Variants in ZNF320 observed in about 807,000 individuals in gnomAD.
The protein encoded by ZNF320 is zinc finger gene 320.
A neutral mutation model predicts 6.8 loss-of-function variants in ZNF320; 2 were observed. That is an observed-to-expected ratio of 0.29 (90% CI 0.12 to 0.93). The LOEUF (loss-of-function observed/expected upper bound fraction) is 0.93. ZNF320 is among the 40% of genes least tolerant of loss of function. The pLI, the probability that ZNF320 is intolerant of heterozygous loss-of-function variation, is 0.55. For missense variants in ZNF320, 472 were observed against 611.0 expected (o/e 0.77, Z 2.40); for synonymous variants, 208 against 203.2 (o/e 1.02, Z -0.20).
exon 6 of ZNF320, among the ~76,000 whole-genome samples, chr19:52,863,241 T>G (rs968291071): frequency 2.6e-5 from 4 of 152,126 alleles, no homozygotes; most frequent in African/African-American, 9.7e-5. Flanking sequence ...TTCTATGAAA[T>G]ATATAACACA....
chr19:52,881,100 T>C lies in ZNF320; in HGVS notation c.1026A>G (p.Ser342=), dbSNP rs1224429337. 1 of 1,614,062 alleles carries C rather than the reference T, an allele frequency of 6.2e-7. No homozygotes were observed. The highest frequency in any genetic ancestry group is 2.2e-5 in the East Asian group (1 of 44,884). ...EECDKVFSRK[S]HLERHRRIHT... ...GAATCCTCCTATGTCTTTCAAGATG[T>C]GATTTGCGACTGAAAACTTTGTCGC... The change falls in exon 6 of 6, where the codon TCA becomes TCG. Residue 342 remains serine (S), a synonymous_variant. Coordinates refer to ENST00000682928, the MANE Select transcript of ZNF320 (RefSeq NM_001351774.2).
chr19:52,875,928 C>T (rs1005816344), downstream of ZNF320, among the ~76,000 whole-genome samples: 5 of 152,036 alleles, frequency 3.3e-5, no homozygotes, highest in African/African-American at 1.2e-4. Flanking sequence ...AAAATAAACA[C>T]AATTATGAAT....
chr19:52,883,661 A>T (rs1479071192), intron 5 of ZNF320: 1 of 453,956 alleles, frequency 2.2e-6, no homozygotes, highest in Non-Finnish European at 4.4e-6. Flanking sequence ...GCATTTTGGT[A>T]GGCTGAGTCG....
intron 5 of ZNF320, among the ~76,000 whole-genome samples, chr19:52,885,814 G>A (rs1294585741): frequency 3.3e-5 from 5 of 152,194 alleles, no homozygotes; most frequent in African/African-American, 1.2e-4. Flanking sequence ...GCTGAGGCAG[G>A]AGAATTGGTT....
chr19:52,886,970 GAAA>G (rs2064101900), intron 5 of ZNF320, among the ~76,000 whole-genome samples: 1 of 113,412 alleles, frequency 8.8e-6, no homozygotes, highest in South Asian at 3.0e-4. Context: ...AGAAAGAAAA[GAAA>G]GAAAGAAGGA....
chr19:52,883,236 T>C (rs2063976750), intron 5 of ZNF320, among the ~76,000 whole-genome samples: 1 of 151,938 alleles, frequency 6.6e-6, no homozygotes, highest in African/African-American at 2.4e-5. Flanking sequence ...GAGATGGGCT[T>C]TCACCATGTT....
At chr19:52,860,225 T>C (rs2063479634), downstream of ZNF320, among the ~76,000 whole-genome samples, 1 of 152,126 alleles carries the variant, frequency 6.6e-6, no homozygotes, top group South Asian at 2.1e-4. Context: ...TTTTCTTACA[T>C]AGGCGCCTAG....
Position 52,896,504 on chromosome 19 carries a change from T to G in ZNF320, c.-270+1016A>C, listed in dbSNP as rs557113358. Among the ~76,000 whole-genome samples the G allele has an allele frequency of 9.2e-5, 14 of 151,854 alleles. No homozygotes were observed. In the South Asian group the frequency reaches 1.7e-3, roughly 18 times the overall value. On this transcript the variant is annotated intron_variant, in intron 1 of 5. Coordinates refer to ENST00000682928, the MANE Select transcript of ZNF320 (RefSeq NM_001351774.2). ...CAGCTGGATCGCTTGAGCCCTGGAG[T>G]TGGAGACCAGCCTGAGCAACAAGGC...
At chr19:52,865,251 G>A in intron 5 of ZNF320, 1 of 171,866 alleles carries the variant, frequency 5.8e-6, no homozygotes, top group Non-Finnish European at 1.2e-5. Flanking sequence ...GAACCCAGAA[G>A]GCAGAGGTTG....
downstream of ZNF320, among the ~76,000 whole-genome samples, chr19:52,873,080 T>G (rs1156609717): frequency 6.6e-6 from 1 of 152,156 alleles, no homozygotes; most frequent in African/African-American, 2.4e-5. Flanking sequence ...GTAAATAGAA[T>G]GTACAATCGG....
chr19:52,896,115 G>A (rs1462278958), intron 1 of ZNF320, among the ~76,000 whole-genome samples: 2 of 151,758 alleles, frequency 1.3e-5, no homozygotes, highest in South Asian at 2.1e-4. Flanking sequence ...TTTTTCAGAC[G>A]GAGTCTCGCT....
Position 52,881,289 on chromosome 19 carries a change from G to T in ZNF320, c.837C>A (p.Gly279=). 6.2e-7 allele frequency: 1 copy of T among 1,614,126 alleles called. No individual in the cohort carries two copies. Among genetic ancestry groups the T allele is most frequent in the Non-Finnish European group, 8.5e-7 (1 of 1,180,016 alleles). ...GGACTGAATTTCGAGCGAAGGTCTT[G>T]CCACACTCATTACATTTGTAAGGTT... ...GEKPYKCNEC[G]KTFARNSVLV... The change falls in exon 6 of 6, where the codon GGC becomes GGA. Residue 279 remains glycine (G), a synonymous_variant. Coordinates refer to ENST00000682928, the MANE Select transcript of ZNF320 (RefSeq NM_001351774.2).
intron 2 of ZNF320, 69 bp from the exon 3 acceptor site, chr19:52,891,415 T>TA (rs1456456450): frequency 6.6e-6 from 1 of 150,774 alleles, no homozygotes. Flanking sequence ...AGTAACATGA[T>TA]AGAGATTGAT....
chr19:52,881,534 A>T lies in ZNF320; in HGVS notation c.592T>A (p.Phe198Ile), dbSNP rs781171785. 5.0e-6 allele frequency: 8 copies of T among 1,613,952 alleles called. No individual in the cohort carries two copies. Among genetic ancestry groups the T allele is most frequent in the Admixed American group, 1.7e-5 (1 of 59,970 alleles). The change falls in exon 6 of 6, where the codon TTT (phenylalanine) becomes ATT (isoleucine). Residue 198 changes from phenylalanine to isoleucine, a missense_variant. By Grantham distance (21) the Phe-to-Ile change is conservative (BLOSUM62 0). Around this residue, in one of 2 missense-constraint regions of ZNF320, gnomAD observed 462 missense variants for 559.7 expected, o/e 0.83. Transcript: ENST00000682928. ...TTTGCCAGGTGTGAATCATGCTTAA[A>T]AGCCTTGTCGCAAACCTTACATTTG... ...PYKCKVCDKA[F>I]KHDSHLAKHT...
At chr19:52,863,144 G>A (rs1353101643) in exon 6 of ZNF320, among the ~76,000 whole-genome samples, 1 of 152,032 alleles carries the variant, frequency 6.6e-6, no homozygotes, top group Non-Finnish European at 1.5e-5. Context: ...ATTTTTAGTA[G>A]AGACAGGGTT....
downstream of ZNF320, among the ~76,000 whole-genome samples, chr19:52,872,559 T>C (rs34818552): frequency 0.19 from 28,993 of 152,136 alleles, 3,145 homozygotes; most frequent in Non-Finnish European, 0.24. Context: ...TGGAGTGCAG[T>C]GGCATGGTTT....
upstream of ZNF320, among the ~76,000 whole-genome samples, chr19:52,900,289 C>G (rs1170119634): frequency 6.6e-6 from 1 of 152,146 alleles, no homozygotes; most frequent in Non-Finnish European, 1.5e-5. Context: ...ACAACTTTTG[C>G]CTAAGACAAC....
chr19:52,859,788 T>C (rs996384853), downstream of ZNF320, among the ~76,000 whole-genome samples: 3 of 152,198 alleles, frequency 2.0e-5, no homozygotes, highest in Non-Finnish European at 4.4e-5. Flanking sequence ...TCTTCCTACT[T>C]ACAGGTAAAC....
chr19:52,860,158 C>T (rs1223701421), downstream of ZNF320, among the ~76,000 whole-genome samples: 15 of 152,214 alleles, frequency 9.9e-5, no homozygotes, highest in African/African-American at 3.4e-4. Context: ...GTGATGCTCC[C>T]GCCTCGGCCT....
Sources: allele counts gnomAD v4.1 joint callset (sites outside exome capture counted in the v4.1 genomes callset), GRCh38; gene constraint gnomAD v4.1.1; regional missense constraint gnomAD v4.1.1; transcripts MANE v1.5; gene names NCBI Gene and HGNC (gene_info 2026-07-23, HGNC 2026-07-21).